The following FN1 variants were observed in gnomAD, a reference collection of about 807,000 sequenced individuals.
FN1 encodes the protein fibronectin 1.
In FN1, 106 loss-of-function variants were observed where a neutral mutation model predicts 297.3. That is an observed-to-expected ratio of 0.36 (90% CI 0.30 to 0.42). The LOEUF is 0.42. Among genes scored for constraint, FN1 ranks in the 10% least tolerant of loss-of-function variants. The pLI is 1.00. For missense variants in FN1, 2,690 were observed against 3,124.9 expected (o/e 0.86, Z 3.32); for synonymous variants, 1,149 against 1,152.6 (o/e 1.00, Z 0.06).
At position 215,409,734 on chromosome 2, in the gene FN1, T is replaced by A; in HGVS notation, c.2128A>T (p.Thr710Ser). 7 of 1,613,886 alleles carry A rather than the reference T, an allele frequency of 4.3e-6. No homozygotes were observed. The highest frequency in any genetic ancestry group is 5.9e-6 in the Non-Finnish European group (7 of 1,179,796). ...AAGGGAGTCGTCTCTCCTGTCACGG[T>A]GTTGCCTAGAGAGTCACAGAAAGGG... ...TSTSTPVTSNTVTGETTPFSP... is the reference protein window; with the variant it reads ...TSTSTPVTSNSVTGETTPFSP... Residue 710 changes from threonine (T) to serine (S), a missense_variant, in exon 15 of 46, where the codon ACC becomes TCC. Coordinates refer to ENST00000354785, the MANE Select transcript of FN1 (RefSeq NM_212482.4).
intron 5 of FN1, among the ~76,000 whole-genome samples, chr2:215,429,688 A>G (rs1369499912): frequency 3.3e-5 from 5 of 152,228 alleles, no homozygotes; most frequent in Admixed American, 2.6e-4. Flanking sequence ...ATAAATATGT[A>G]TAAGACTTTC....
chr2:215,431,215 A>G (rs1051091668), intron 4 of FN1, among the ~76,000 whole-genome samples: 2 of 152,252 alleles, frequency 1.3e-5, no homozygotes, highest in African/African-American at 4.8e-5. Flanking sequence ...ACCAATTATG[A>G]ATTTTGAGTG....
At chr2:215,422,404 T>C (rs2106421380) in intron 9 of FN1, among the ~76,000 whole-genome samples, 161 bp from the exon 10 acceptor site, 1 of 152,240 alleles carries the variant, frequency 6.6e-6, no homozygotes, top group Middle Eastern at 3.4e-3. Flanking sequence ...GGTGAAGGGG[T>C]AGAATTTTTG....
At chr2:215,392,868 G>C in intron 25 of FN1, 63 bp downstream of exon 25, 1 of 1,571,918 alleles carries the variant, frequency 6.4e-7, no homozygotes, top group East Asian at 2.2e-5. Flanking sequence ...TATTTAACCG[G>C]AGTAACTGGT....
Position 215,408,479 on chromosome 2 carries a change from G to A in FN1, c.2300-53C>T, listed in dbSNP as rs16853986. On this transcript the variant is annotated intron_variant, in intron 15 of 45. Transcript: ENST00000354785. The stretch of plus-strand genomic sequence containing the variant: ...ATCAGAGCAAACTAGTCCCTCAAAT[G>A]ACTCTACAGCTTATAAGAAGGATAT... 28,412 of 1,564,738 alleles carry A rather than the reference G, an allele frequency of 0.018. 492 individuals are homozygous for A. The highest frequency in any genetic ancestry group is 0.079 in the Admixed American group (4,725 of 59,928).
chr2:215,414,974 T>C lies in FN1; in HGVS notation c.1820-16A>G, dbSNP rs72943927. 2.6e-4 allele frequency: 423 copies of C among 1,605,094 alleles called. No individual in the cohort carries two copies. The highest frequency in any genetic ancestry group is 3.5e-4 in the Non-Finnish European group (414 of 1,171,954). On this transcript the variant is annotated splice_polypyrimidine_tract_variant and intron_variant, in intron 12 of 45. Transcript: ENST00000354785. Reference sequence around the variant, plus strand: ...CCACTTGAGCCTGAAAATGAAAATGTAGCATTTAATTATCTTGAATATTCA... The same window carrying C: ...CCACTTGAGCCTGAAAATGAAAATGCAGCATTTAATTATCTTGAATATTCA...
chr2:215,384,398 G>A, intron 29 of FN1: 1 of 572,574 alleles, frequency 1.7e-6, no homozygotes, highest in Admixed American at 3.0e-5. Context: ...AGTTAGCGCT[G>A]TTTTAACATT....
At chr2:215,398,596 G>T (rs2060596350) in intron 21 of FN1, among the ~76,000 whole-genome samples, 1 of 151,992 alleles carries the variant, frequency 6.6e-6, no homozygotes, top group African/African-American at 2.4e-5. Flanking sequence ...CTTTATCTTT[G>T]GTGTATTTTT....
chr2:215,433,369 T>C lies in FN1; in HGVS notation c.370A>G (p.Thr124Ala), dbSNP rs1280909602. Residue 124 changes from threonine (T) to alanine (A), a missense_variant, in exon 3 of 46, where the codon ACC (threonine) becomes GCC (alanine). Thr to Ala is a moderately conservative substitution (Grantham distance 58). Transcript: ENST00000354785. ...RPKDSMIWDC[T>A]CIGAGRGRIS... Reference sequence around the variant, plus strand: ...CTCCCTCGCCCAGCCCCGATGCAGGTACAGTCCCAGATCATGGAGTCTTTA... The same window carrying C: ...CTCCCTCGCCCAGCCCCGATGCAGGCACAGTCCCAGATCATGGAGTCTTTA... The C allele has an allele frequency of 6.2e-7, 1 of 1,614,168 alleles. No homozygotes were observed. The highest frequency in any genetic ancestry group is 1.7e-5 in the Admixed American group (1 of 60,020).
rs752850439 is a variant in FN1, at chr2:215,397,811, C to T, written c.3386G>A (p.Arg1129Gln). ...GCTTCCTGAGTCTGAAGTCACTTCT[C>T]GTGGTGCCTCTCCTCCCTGGCTTGG... is the stretch of plus-strand genomic sequence containing the variant. ...VRPSQGGEAP[R>Q]EVTSDSGSIV... The change falls in exon 22 of 46, where the codon CGA becomes CAA. Residue 1129 changes from arginine (R) to glutamine (Q), a missense_variant. Arg to Gln is a conservative substitution (Grantham distance 43). Coordinates refer to ENST00000354785, the MANE Select transcript of FN1 (RefSeq NM_212482.4). 34 of 1,614,006 alleles carry T rather than the reference C, an allele frequency of 2.1e-5. No homozygotes were observed. The highest frequency in any genetic ancestry group is 3.3e-5 in the South Asian group (3 of 91,080).
rs375792347 is a variant in FN1, at chr2:215,433,327, C to T, written c.412G>A (p.Ala138Thr). The T allele has an allele frequency of 3.0e-5, 49 of 1,614,092 alleles. No homozygotes were observed. The African/African-American group carries it at 4.4e-4, about 14-fold the overall frequency. Residue 138 changes from alanine to threonine, a missense_variant, in exon 3 of 46, where the codon GCA (alanine) becomes ACA (threonine). Ala to Thr is a moderately conservative substitution (Grantham distance 58). Transcript: ENST00000354785. ...TTTTACACAATCTCTTCCTTACTTG[C>T]GATGGTACAGCTTATTCTCCCTCGC... ...AGRGRISCTIANRCHEGGQSY... is the reference protein window; with the variant it reads ...AGRGRISCTITNRCHEGGQSY...
chr2:215,383,789 C>T lies in FN1; in HGVS notation c.4894+231G>A, dbSNP rs145671251. On this transcript the variant is annotated intron_variant, in intron 30 of 45. Transcript: ENST00000354785. Reference sequence around the variant, plus strand: ...CTTACTGAACACTCTCTATGCCTGTCGTATTGCAGACATGCGGAATATATC... The same window carrying T: ...CTTACTGAACACTCTCTATGCCTGTTGTATTGCAGACATGCGGAATATATC... Among the ~76,000 whole-genome samples, 472 of 152,296 alleles carry T rather than the reference C, an allele frequency of 3.1e-3. 4 individuals are homozygous for T. The highest frequency in any genetic ancestry group is 3.9e-3 in the Non-Finnish European group (265 of 68,036).
chr2:215,361,639 A>G lies in FN1; in HGVS notation c.7363-13T>C. ...GGCAATTAACATTCTGTTAAAAAGG[A>G]AGAAGGAAAAAAAAATTAGTGGCAA... On this transcript the variant is annotated splice_polypyrimidine_tract_variant and intron_variant, in intron 45 of 45. Transcript: ENST00000354785. The G allele has an allele frequency of 6.2e-7, 1 of 1,600,412 alleles. No individual in the cohort carries two copies. Among genetic ancestry groups the G allele is most frequent in the South Asian group, 1.1e-5 (1 of 90,828 alleles).
chr2:215,377,201 G>A (rs2057447223), intron 35 of FN1, among the ~76,000 whole-genome samples: 1 of 152,030 alleles, frequency 6.6e-6, no homozygotes, highest in African/African-American at 2.4e-5. Flanking sequence ...CACTTTACCT[G>A]ACTTTTGAAA....
At chr2:215,398,601 AT>A (rs1324907465) in intron 21 of FN1, among the ~76,000 whole-genome samples, 3 of 152,272 alleles carry the variant, frequency 2.0e-5, no homozygotes, top group South Asian at 2.1e-4. Flanking sequence ...TCTTTGGTGT[AT>A]TTTTTTAAAC....
rs138120768 is a variant in FN1 at position 215,425,107 on chromosome 2, G to A, written c.1023C>T (p.Ser341=). 6.1e-4 allele frequency: 991 copies of A among 1,614,138 alleles called. 5 individuals carry two copies. In the Admixed American group the frequency reaches 6.6e-3, roughly 11 times the overall value. The change falls in exon 7 of 46, where the codon AGC becomes AGT. Residue 341 remains serine (S), a synonymous_variant. Transcript: ENST00000354785. ...GATAATGCATACCTGTCTCTTGGCA[G>A]CTGACTCCGTTGCCCAGGCACGTGC... ...MLCTCLGNGV[S]CQETAVTQTY...
intron 28 of FN1, among the ~76,000 whole-genome samples, chr2:215,385,288 G>A (rs1205765763): frequency 4.6e-5 from 7 of 150,794 alleles, no homozygotes; most frequent in African/African-American, 9.7e-5. Flanking sequence ...AAGGCCGGGC[G>A]TGGTGGCTCA....
chr2:215,405,323 T>A (rs567149265), intron 19 of FN1, among the ~76,000 whole-genome samples: 1 of 152,216 alleles, frequency 6.6e-6, no homozygotes, highest in African/African-American at 2.4e-5. Flanking sequence ...TCGAGTATAA[T>A]AATTGAGAGC....
rs747792661 is a variant in FN1, at chr2:215,407,337, C to T, written c.2519-16G>A. ...ATTCTGTACCCTGCAGATTCATGAG[C>T]AAAAGTAAGATGCACTGTTTTCTTT... On this transcript the variant is annotated splice_polypyrimidine_tract_variant and intron_variant, in intron 17 of 45. Transcript: ENST00000354785. The T allele has an allele frequency of 6.2e-7, 1 of 1,607,902 alleles. No individual in the cohort carries two copies. Among genetic ancestry groups the T allele is most frequent in the Non-Finnish European group, 8.5e-7 (1 of 1,174,404 alleles).
Sources: allele counts gnomAD v4.1 joint callset (sites outside exome capture counted in the v4.1 genomes callset), GRCh38; gene constraint gnomAD v4.1.1; transcripts MANE v1.5; gene names NCBI Gene and HGNC (gene_info 2026-07-23, HGNC 2026-07-21).